The following PARD3 variants were observed in gnomAD, a reference collection of about 807,000 sequenced individuals.
PARD3 encodes partitioning defective 3 homolog.
Under a neutral mutation model 155.4 loss-of-function variants are expected in PARD3, and 75 were observed. The ratio of observed to expected loss-of-function variants is 0.48; its 90% CI spans 0.40 to 0.58. PARD3 has a LOEUF of 0.58. Among genes scored for constraint, PARD3 ranks in the 20% least tolerant of loss-of-function variants. The pLI is 0.00. For missense variants in PARD3, 1,642 were observed against 1,721.7 expected (o/e 0.95, Z 0.82); for synonymous variants, 576 against 610.5 (o/e 0.94, Z 0.83).
At chr10:34,301,445 A>G (rs1275512247) in intron 20 of PARD3, among the ~76,000 whole-genome samples, 2 of 152,036 alleles carry the variant, frequency 1.3e-5, no homozygotes, top group African/African-American at 4.8e-5. Context: ...AGTTACCAAC[A>G]GCTCCTTCCT....
At chr10:34,574,486 T>C (rs2086731906) in intron 2 of PARD3, among the ~76,000 whole-genome samples, 1 of 152,182 alleles carries the variant, frequency 6.6e-6, no homozygotes, top group East Asian at 1.9e-4. Context: ...ATCCTCCACA[T>C]TCACCAGGAA....
intron 3 of PARD3, among the ~76,000 whole-genome samples, chr10:34,499,520 G>A (rs760175938): frequency 4.6e-4 from 69 of 151,200 alleles, no homozygotes; most frequent in Non-Finnish European, 2.8e-4. Context: ...TGCATCCAGC[G>A]GAAAATAGTG....
intron 22 of PARD3, among the ~76,000 whole-genome samples, chr10:34,142,053 G>A (rs1267934218): frequency 6.6e-6 from 1 of 152,192 alleles, no homozygotes; most frequent in African/African-American, 2.4e-5. Flanking sequence ...GAGAATGTGT[G>A]TTAAGAGCTT....
At chr10:34,292,104 GC>G (rs1956701833) in intron 20 of PARD3, among the ~76,000 whole-genome samples, 1 of 152,142 alleles carries the variant, frequency 6.6e-6, no homozygotes, top group Non-Finnish European at 1.5e-5. Flanking sequence ...AATCATCTGT[GC>G]TGACATATGC....
intron 5 of PARD3, among the ~76,000 whole-genome samples, chr10:34,432,337 T>TACAC (rs71917947): frequency 0.14 from 20,568 of 143,292 alleles, 1,541 homozygotes; most frequent in East Asian, 0.25. Context: ...CACGTGCACA[T>TACAC]ACACACACAC....
At chr10:34,451,789 T>TTTA (rs34263397) in intron 4 of PARD3, among the ~76,000 whole-genome samples, 3 of 150,766 alleles carry the variant, frequency 2.0e-5, no homozygotes, top group African/African-American at 7.3e-5. Flanking sequence ...TTTTTTTTTT[T>TTTA]AATAGAAATG....
chr10:34,270,762 G>C (rs1224484663), intron 21 of PARD3, among the ~76,000 whole-genome samples: 1 of 152,110 alleles, frequency 6.6e-6, no homozygotes, highest in Non-Finnish European at 1.5e-5. Context: ...GATGCATACA[G>C]AAATGGAGAA....
chr10:34,161,271 G>C (rs893960826), intron 22 of PARD3, among the ~76,000 whole-genome samples: 1 of 139,344 alleles, frequency 7.2e-6, no homozygotes, highest in South Asian at 2.4e-4. Flanking sequence ...GAAGAGAATC[G>C]AGTGAGAATT....
intron 2 of PARD3, among the ~76,000 whole-genome samples, chr10:34,575,013 G>C (rs1167621174): frequency 6.6e-6 from 1 of 152,074 alleles, no homozygotes; most frequent in Admixed American, 6.6e-5. Flanking sequence ...CCCTTAAAGA[G>C]ACAGGGTCCT....
At chr10:34,785,865 T>C (rs1349751011) in intron 1 of PARD3, among the ~76,000 whole-genome samples, 2 of 152,204 alleles carry the variant, frequency 1.3e-5, no homozygotes, top group African/African-American at 4.8e-5. Context: ...TATACATTGC[T>C]CTTCAAACTA....
intron 5 of PARD3, among the ~76,000 whole-genome samples, chr10:34,414,327 A>G (rs2132339540): frequency 6.6e-6 from 1 of 152,274 alleles, no homozygotes; most frequent in Non-Finnish European, 1.5e-5. Flanking sequence ...GCCTAAGAAG[A>G]GCACTGCTAT....
chr10:34,190,824 C>G (rs903315006), intron 22 of PARD3, among the ~76,000 whole-genome samples: 20 of 151,994 alleles, frequency 1.3e-4, no homozygotes, highest in Admixed American at 1.3e-3. Context: ...GTTTTCCAGG[C>G]CAACTTGGAG....
At chr10:34,260,780 T>C (rs1001072965) in intron 22 of PARD3, among the ~76,000 whole-genome samples, 1 of 152,196 alleles carries the variant, frequency 6.6e-6, no homozygotes, top group African/African-American at 2.4e-5. Context: ...AAAGTGGTAT[T>C]TGACTTTTTC....
intron 2 of PARD3, among the ~76,000 whole-genome samples, chr10:34,601,640 ACCATTCAAGCTTGC>A (rs2089792494): frequency 6.6e-6 from 1 of 152,152 alleles, no homozygotes; most frequent in Non-Finnish European, 1.5e-5. Flanking sequence ...AGAGTTGAGA[ACCATTCAAGCTTGC>A]CCTAAGCACA....
intron 5 of PARD3, among the ~76,000 whole-genome samples, chr10:34,418,511 G>A (rs1845886858): frequency 6.6e-6 from 1 of 152,030 alleles, no homozygotes; most frequent in African/African-American, 2.4e-5. Context: ...CATTTCCAAT[G>A]GGAATGTGAA....
intron 1 of PARD3, among the ~76,000 whole-genome samples, chr10:34,784,595 C>T (rs950101354): frequency 2.6e-5 from 4 of 152,154 alleles, no homozygotes; most frequent in African/African-American, 7.2e-5. Context: ...CGCCACCATG[C>T]CAGGCTAATT....
intron 2 of PARD3, among the ~76,000 whole-genome samples, chr10:34,644,016 C>T (rs75888792): frequency 0.018 from 2,714 of 152,272 alleles, 70 homozygotes; most frequent in African/African-American, 0.062. Flanking sequence ...CATGTGTATG[C>T]GTGTGTTTTT....
At chr10:34,577,399 G>A (rs952388381) in intron 2 of PARD3, among the ~76,000 whole-genome samples, 5 of 152,066 alleles carry the variant, frequency 3.3e-5, no homozygotes, top group Admixed American at 6.6e-5. Context: ...CATTTAAACC[G>A]ACAACATTCT....
At chr10:34,792,040 C>A (rs1049935697) in intron 1 of PARD3, among the ~76,000 whole-genome samples, 4 of 152,312 alleles carry the variant, frequency 2.6e-5, no homozygotes, top group Admixed American at 2.6e-4. Flanking sequence ...GGATGCATCA[C>A]GTGCTCGCCT....
Sources: allele counts gnomAD v4.1 joint callset (sites outside exome capture counted in the v4.1 genomes callset), GRCh38; gene constraint gnomAD v4.1.1; transcripts MANE v1.5; gene names NCBI Gene and HGNC (gene_info 2026-07-23, HGNC 2026-07-21).